PCDH7: variants seen among roughly 807,000 people sequenced by gnomAD.
The protein encoded by PCDH7 is protocadherin-7.
In PCDH7, 17 loss-of-function variants were observed where a neutral mutation model predicts 58.9. That is an observed-to-expected ratio of 0.29 (90% CI 0.20 to 0.43). PCDH7 has a LOEUF of 0.43. PCDH7 is among the 20% of genes least tolerant of loss of function. The pLI is 1.00. For missense variants in PCDH7, 1,274 were observed against 1,441.0 expected, an observed-to-expected ratio of 0.88 and a Z score of 1.88; for synonymous variants, 664 against 616.4, an observed-to-expected ratio of 1.08 and a Z score of -1.14.
At chr4:30,939,766 A>G (rs1240749623) in intron 2 of PCDH7, among the ~76,000 whole-genome samples, 2 of 152,100 alleles carry the variant, frequency 1.3e-5, no homozygotes, top group Non-Finnish European at 2.9e-5. Flanking sequence ...AAAAGCAGGA[A>G]TCACTCTAGA....
At chr4:30,838,203 G>C (rs992978698) in intron 1 of PCDH7, among the ~76,000 whole-genome samples, 1 of 151,962 alleles carries the variant, frequency 6.6e-6, no homozygotes, top group Non-Finnish European at 1.5e-5. Context: ...TGTGCTTTGA[G>C]GCCCTTGCTG....
chr4:31,128,819 A>G (rs1718627714), intron 3 of PCDH7, among the ~76,000 whole-genome samples: 1 of 152,292 alleles, frequency 6.6e-6, no homozygotes, highest in African/African-American at 2.4e-5. Context: ...CCCATTGACT[A>G]CATTGTTCTG....
At chr4:30,971,765 C>G (rs2109473642) in intron 3 of PCDH7, among the ~76,000 whole-genome samples, 1 of 152,190 alleles carries the variant, frequency 6.6e-6, no homozygotes, top group South Asian at 2.1e-4. Flanking sequence ...AGTTCAAGAC[C>G]AGTCTGAGCA....
chr4:31,134,928 T>C (rs924339179), intron 3 of PCDH7, among the ~76,000 whole-genome samples: 29 of 152,194 alleles, frequency 1.9e-4, no homozygotes, highest in Admixed American at 1.4e-3. Flanking sequence ...TTCTGCCACA[T>C]TCTGGTTGTC....
chr4:30,849,556 G>T (rs1732444636), intron 1 of PCDH7, among the ~76,000 whole-genome samples: 1 of 152,096 alleles, frequency 6.6e-6, no homozygotes. Flanking sequence ...AGGTTATTAT[G>T]AATGTGTAGC....
chr4:30,950,844 C>A (rs1407766024), intron 3 of PCDH7, among the ~76,000 whole-genome samples: 2 of 152,126 alleles, frequency 1.3e-5, no homozygotes, highest in African/African-American at 2.4e-5. Context: ...TTTGTTCAGT[C>A]CAAGATATCC....
chr4:30,875,206 GGTTT>G (rs1297018185), intron 1 of PCDH7, among the ~76,000 whole-genome samples: 2 of 152,000 alleles, frequency 1.3e-5, no homozygotes, highest in Admixed American at 1.3e-4. Flanking sequence ...CTCTCTTCTT[GGTTT>G]GTTTGGCCAT....
intron 1 of PCDH7, among the ~76,000 whole-genome samples, chr4:30,879,315 T>G (rs1054351987): frequency 1.3e-5 from 2 of 152,050 alleles, no homozygotes; most frequent in African/African-American, 4.8e-5. Context: ...TATCTGATTC[T>G]TATTTCTAGA....
intron 1 of PCDH7, among the ~76,000 whole-genome samples, chr4:30,815,215 T>C (rs1727522271): frequency 1.3e-5 from 2 of 152,030 alleles, no homozygotes; most frequent in African/African-American, 4.8e-5. Context: ...CACCCAGTAC[T>C]GTTGCTAGTG....
intron 1 of PCDH7, among the ~76,000 whole-genome samples, chr4:30,775,396 TGTGA>T (rs1721931050): frequency 1.3e-5 from 2 of 152,186 alleles, no homozygotes; most frequent in South Asian, 4.1e-4. Flanking sequence ...GGAGTGTGTG[TGTGA>T]GTGTGTGTGT....
intron 1 of PCDH7, among the ~76,000 whole-genome samples, chr4:30,759,310 A>T (rs950005352): frequency 6.6e-5 from 10 of 152,088 alleles, no homozygotes; most frequent in African/African-American, 2.4e-4. Context: ...TAAGAACAGA[A>T]ATCATTCTGT....
At chr4:30,745,104 A>G (rs1241821286) in intron 1 of PCDH7, among the ~76,000 whole-genome samples, 1 of 152,198 alleles carries the variant, frequency 6.6e-6, no homozygotes, top group East Asian at 1.9e-4. Flanking sequence ...TATATAAAGA[A>G]GATATATAGA....
At chr4:31,118,185 A>C (rs1306181127) in intron 3 of PCDH7, among the ~76,000 whole-genome samples, 4 of 152,182 alleles carry the variant, frequency 2.6e-5, no homozygotes, top group Non-Finnish European at 5.9e-5. Context: ...AGTGACTTAT[A>C]AAAACCCATG....
At chr4:31,073,161 T>G (rs765253318) in intron 3 of PCDH7, among the ~76,000 whole-genome samples, 2 of 152,100 alleles carry the variant, frequency 1.3e-5, no homozygotes, top group Non-Finnish European at 2.9e-5. Context: ...AGGGCATAGT[T>G]TTTTGGGGTA....
chr4:30,881,498 T>A (rs1245161612), intron 1 of PCDH7, among the ~76,000 whole-genome samples: 4 of 152,126 alleles, frequency 2.6e-5, no homozygotes, highest in Non-Finnish European at 4.4e-5. Flanking sequence ...CAGAGATCAT[T>A]GAGGAATTCA....
intron 3 of PCDH7, among the ~76,000 whole-genome samples, chr4:31,080,492 T>C (rs968424493): frequency 1.3e-5 from 2 of 152,166 alleles, no homozygotes; most frequent in Admixed American, 6.5e-5. Flanking sequence ...CAAGGTATTA[T>C]TAAAACCTCT....
chr4:31,111,982 T>G (rs895393846), intron 3 of PCDH7, among the ~76,000 whole-genome samples: 1 of 152,232 alleles, frequency 6.6e-6, no homozygotes, highest in Admixed American at 6.5e-5. Flanking sequence ...AAAAATTGAA[T>G]AAATTAATGA....
intron 1 of PCDH7, among the ~76,000 whole-genome samples, chr4:30,781,886 ATAC>A (rs1382964140): frequency 6.6e-6 from 1 of 152,150 alleles, no homozygotes; most frequent in East Asian, 1.9e-4. Flanking sequence ...GCTGACTAAA[ATAC>A]TTATTTTTAA....
intron 3 of PCDH7, among the ~76,000 whole-genome samples, chr4:30,995,328 C>T (rs923278313): frequency 3.9e-5 from 6 of 151,902 alleles, no homozygotes; most frequent in Middle Eastern, 3.2e-3. Context: ...CTGGCTAACA[C>T]GGTGAAACCC....
Sources: allele counts gnomAD v4.1 joint callset (sites outside exome capture counted in the v4.1 genomes callset), GRCh38; gene constraint gnomAD v4.1.1; transcripts MANE v1.5; gene names NCBI Gene and HGNC (gene_info 2026-07-23, HGNC 2026-07-21).